The following SLIT2 variants were observed in gnomAD, a reference collection of about 807,000 sequenced individuals.
The protein encoded by SLIT2 is slit homolog 2 protein.
Under a neutral mutation model 185.7 loss-of-function variants are expected in SLIT2, and 41 were observed. The ratio of observed to expected loss-of-function variants is 0.22; its 90% CI spans 0.17 to 0.29. The LOEUF (loss-of-function observed/expected upper bound fraction) is 0.29. Among genes scored for constraint, SLIT2 ranks in the 10% least tolerant of loss-of-function variants. The pLI, the probability that SLIT2 is intolerant of heterozygous loss-of-function variation, is 1.00. For synonymous variants in SLIT2, 693 were observed against 680.2 expected (o/e 1.02, Z -0.29); for missense variants, 1,571 against 1,909.0 (o/e 0.82, Z 3.30).
At chr4:20,563,245 C>A (rs1025719110) in intron 26 of SLIT2, among the ~76,000 whole-genome samples, 1 of 151,792 alleles carries the variant, frequency 6.6e-6, no homozygotes, top group South Asian at 2.1e-4. Context: ...TCCAGTTCAC[C>A]TCGACTGTTC....
intron 4 of SLIT2, among the ~76,000 whole-genome samples, chr4:20,430,034 G>GT (rs910428782): frequency 5.3e-5 from 8 of 151,940 alleles, no homozygotes; most frequent in Admixed American, 1.3e-4. Context: ...GTTTATATGA[G>GT]TTTTTTTACA....
chr4:20,490,366 CATAT>C (rs933396958), intron 8 of SLIT2, among the ~76,000 whole-genome samples: 1 of 151,484 alleles, frequency 6.6e-6, no homozygotes, highest in Non-Finnish European at 1.5e-5. Context: ...GGTTTGATTA[CATAT>C]ATACACACAC....
At chr4:20,574,198 C>G (rs551238087) in intron 29 of SLIT2, among the ~76,000 whole-genome samples, 1 of 152,038 alleles carries the variant, frequency 6.6e-6, no homozygotes, top group African/African-American at 2.4e-5. Flanking sequence ...TCATGATTCA[C>G]CCGCCTCAAT....
Position 20,417,222 on chromosome 4 carries a change from A to C in SLIT2, c.396-50530A>C, listed in dbSNP as rs531889618. ...TTGTCTGACTCATCCTAATCCCCTT[A>C]TTCCTTTCTTAGTGTTTCTTTGTTT... On this transcript the variant is annotated intron_variant, in intron 4 of 36. Coordinates refer to ENST00000504154, the MANE Select transcript of SLIT2 (RefSeq NM_004787.4). Among the ~76,000 whole-genome samples the C allele has an allele frequency of 6.4e-4, 97 of 151,622 alleles. No homozygotes were observed. In the South Asian group the frequency reaches 0.015, roughly 23 times the overall value.
intron 21 of SLIT2, among the ~76,000 whole-genome samples, chr4:20,543,649 G>C (rs1723008197): frequency 6.6e-6 from 1 of 152,222 alleles, no homozygotes; most frequent in East Asian, 1.9e-4. Context: ...GAGGTTCAAG[G>C]GCATGTCATT....
At position 20,528,993 on chromosome 4, in the gene SLIT2, G is replaced by A. The variant is rs763158714; in HGVS notation, c.1507G>A (p.Asp503Asn). 1.2e-6 allele frequency: 2 copies of A among 1,613,870 alleles called. No individual in the cohort carries two copies. Among genetic ancestry groups the A allele is most frequent in the Non-Finnish European group, 1.7e-6 (2 of 1,179,914 alleles). The change falls in exon 16 of 37, where the codon GAT becomes AAT. Residue 503 changes from aspartate to asparagine, a missense_variant. By Grantham distance (23) the Asp-to-Asn change is conservative (BLOSUM62 1). Coordinates refer to ENST00000504154, the MANE Select transcript of SLIT2 (RefSeq NM_004787.4). This position sits in a 1 kb window ranked among gnomAD's most constrained non-coding sequence, Gnocchi z 4.2. ...AAAATTAAGTGGAGACTGCTTTGCG[G>A]ATCTGGCTTGCCCTGAAAAGTGTCG... is the stretch of plus-strand genomic sequence containing the variant. ...RSKLSGDCFADLACPEKCRCE... is the reference protein window; with the variant it reads ...RSKLSGDCFANLACPEKCRCE...
chr4:20,530,139 A>C (rs949023798), intron 16 of SLIT2, among the ~76,000 whole-genome samples: 1 of 151,070 alleles, frequency 6.6e-6, no homozygotes, highest in Non-Finnish European at 1.5e-5. Context: ...AAGCTATTTC[A>C]CAGCTCCAGG....
At chr4:20,374,635 TTCC>T (rs1355439086) in intron 4 of SLIT2, among the ~76,000 whole-genome samples, 2 of 152,036 alleles carry the variant, frequency 1.3e-5, no homozygotes, top group Admixed American at 1.3e-4. Flanking sequence ...TGTATTCTTT[TTCC>T]TCTTCTCTCC....
chr4:20,368,772 C>T (rs934529304), intron 4 of SLIT2, among the ~76,000 whole-genome samples: 8 of 152,062 alleles, frequency 5.3e-5, no homozygotes, highest in African/African-American at 1.9e-4. Context: ...CTTTTGACAT[C>T]GTTTGCTCTG....
At chr4:20,603,284 G>A (rs1036744191) in intron 33 of SLIT2, among the ~76,000 whole-genome samples, 13 of 152,048 alleles carry the variant, frequency 8.5e-5, no homozygotes, top group South Asian at 4.2e-4. Flanking sequence ...GGGGAAAACC[G>A]CCCCCATAAT....
intron 4 of SLIT2, among the ~76,000 whole-genome samples, chr4:20,370,990 C>T (rs1723526307): frequency 2.0e-5 from 3 of 152,086 alleles, no homozygotes; most frequent in Non-Finnish European, 4.4e-5. Context: ...TCATCGTATC[C>T]CCTTCCTTTC....
chr4:20,538,798 G>A (rs1006239895), intron 18 of SLIT2, among the ~76,000 whole-genome samples: 8 of 133,950 alleles, frequency 6.0e-5, no homozygotes, highest in Admixed American at 1.4e-4. Flanking sequence ...AAAAAAAAAA[G>A]GTATTTTTTC....
chr4:20,328,705 A>C (rs2109192001), intron 4 of SLIT2, among the ~76,000 whole-genome samples: 1 of 152,228 alleles, frequency 6.6e-6, no homozygotes, highest in South Asian at 2.1e-4. Flanking sequence ...TATATTGTGG[A>C]TTTAAAAATG....
intron 4 of SLIT2, among the ~76,000 whole-genome samples, chr4:20,278,970 T>G (rs921877618): frequency 1.3e-5 from 2 of 152,206 alleles, no homozygotes; most frequent in Non-Finnish European, 2.9e-5. Flanking sequence ...GTCAATGCTG[T>G]GCTTTTATAC....
intron 16 of SLIT2, among the ~76,000 whole-genome samples, chr4:20,531,457 A>T (rs1251806348): frequency 3.9e-5 from 6 of 152,200 alleles, no homozygotes; most frequent in Non-Finnish European, 2.9e-5. Flanking sequence ...GTTGCCAAGG[A>T]CTGTGGGGGA....
At chr4:20,616,500 A>AGACTTCCAGGAGTGT (rs1403106549) in intron 34 of SLIT2, 1 of 158,138 alleles carries the variant, frequency 6.3e-6, no homozygotes, top group Non-Finnish European at 1.4e-5. Flanking sequence ...AGCTTTATGG[A>AGACTTCCAGGAGTGT]GCTCCAGACT....
intron 9 of SLIT2, among the ~76,000 whole-genome samples, chr4:20,494,905 A>G (rs915885649): frequency 6.6e-6 from 1 of 152,190 alleles, no homozygotes; most frequent in African/African-American, 2.4e-5. Context: ...GAAACCATCA[A>G]CTGTCTAATG....
rs1171187877 is a variant in SLIT2 at position 20,617,192 on chromosome 4, G to A, written c.4130G>A (p.Gly1377Glu). 6.4e-7 allele frequency: 1 copy of A among 1,551,340 alleles called. No homozygotes were observed. The highest frequency in any genetic ancestry group is 8.8e-7 in the Non-Finnish European group (1 of 1,141,714). ...CAACGGACCAATGACCCTTGCCTTG[G>A]AAATAAGTAAGTTCCTGCTGCTTGG... ...CDQRTNDPCL[G>E]NKCVHGTCLP... is the part of the protein sequence containing the mutation. Residue 1377 changes from glycine to glutamate, a missense_variant, in exon 35 of 37, where the codon GGA becomes GAA. Gly to Glu is a moderately conservative substitution (Grantham distance 98). Coordinates refer to ENST00000504154, the MANE Select transcript of SLIT2 (RefSeq NM_004787.4).
chr4:20,366,660 G>A (rs556752549), intron 4 of SLIT2, among the ~76,000 whole-genome samples: 1 of 152,254 alleles, frequency 6.6e-6, no homozygotes, highest in African/African-American at 2.4e-5. Context: ...TCAGTAGGGA[G>A]ATGAGGAAGT....
Sources: gnomAD v4.1 joint callset for allele counts (sites outside exome capture counted in the v4.1 genomes callset) on GRCh38, gnomAD v4.1.1 for gene constraint, Gnocchi (gnomAD v3.1) non-coding constraint, MANE v1.5 for transcripts, NCBI Gene and HGNC (gene_info 2026-07-23, HGNC 2026-07-21) for gene names.